The following ZBTB20 variants were observed in gnomAD, a reference collection of about 807,000 sequenced individuals.
ZBTB20 encodes the protein zinc finger and BTB domain containing 20, also known as zinc finger and BTB domain-containing protein 20.
In ZBTB20, 9 loss-of-function variants were observed where a neutral mutation model predicts 56.9. The observed-to-expected ratio is 0.16, with a 90% confidence interval of 0.10 to 0.28. ZBTB20 has a LOEUF of 0.28. ZBTB20 is among the 10% of genes least tolerant of loss of function. ZBTB20 has a pLI of 1.00. For synonymous variants in ZBTB20, 417 were observed against 420.7 expected (o/e 0.99, Z 0.11); for missense variants, 655 against 1,003.0 (o/e 0.65, Z 4.69).
intron 1 of ZBTB20, among the ~76,000 whole-genome samples, chr3:115,117,880 C>T (rs80164325): frequency 0.019 from 2,956 of 152,256 alleles, 104 homozygotes; most frequent in African/African-American, 0.068. Context: ...TTTCATCTTA[C>T]TCTTAATTAT....
At chr3:114,449,613 G>A (rs755021886) in intron 7 of ZBTB20, among the ~76,000 whole-genome samples, 48 of 151,098 alleles carry the variant, frequency 3.2e-4, no homozygotes, top group South Asian at 1.0e-3. Flanking sequence ...ATCTCCAGAG[G>A]CAAACTATGA....
chr3:114,567,389 G>A (rs931799842), intron 6 of ZBTB20, among the ~76,000 whole-genome samples: 4 of 152,138 alleles, frequency 2.6e-5, no homozygotes, highest in African/African-American at 9.7e-5. Context: ...ACTATAGCAT[G>A]TTAAAATCCA....
intron 4 of ZBTB20, among the ~76,000 whole-genome samples, chr3:114,870,855 A>T (rs554694399): frequency 6.6e-6 from 1 of 151,868 alleles, no homozygotes; most frequent in East Asian, 1.9e-4. Flanking sequence ...TCTATCCCTT[A>T]TGGGTACTTT....
chr3:115,144,646 T>C (rs2084912409), intron 1 of ZBTB20, among the ~76,000 whole-genome samples: 1 of 152,208 alleles, frequency 6.6e-6, no homozygotes, highest in Non-Finnish European at 1.5e-5. Flanking sequence ...TTTCTTTTAG[T>C]AGCTAGTCAA....
At chr3:115,115,777 CA>C (rs2084000584) in intron 1 of ZBTB20, among the ~76,000 whole-genome samples, 1 of 152,162 alleles carries the variant, frequency 6.6e-6, no homozygotes, top group Non-Finnish European at 1.5e-5. Flanking sequence ...TACTGAGTCT[CA>C]CGTGACATTA....
rs1259818223 is a variant in ZBTB20, at chr3:114,351,509, G to A, written c.569C>T (p.Thr190Met). The change falls in exon 11 of 12, where the codon ACG (threonine) becomes ATG (methionine). Residue 190 changes from threonine to methionine, a missense_variant. By Grantham distance (81) the Thr-to-Met change is moderately conservative. Transcript: ENST00000675478. Reference sequence around the variant, plus strand: ...GCCCACGTTCTGTGACACGATGCGCGTGCACTCGTCGATGACTGTTTTGAT... The same window carrying A: ...GCCCACGTTCTGTGACACGATGCGCATGCACTCGTCGATGACTGTTTTGAT... ...LQIKTVIDEC[T>M]RIVSQNVGDV... The A allele has an allele frequency of 6.2e-7, 1 of 1,613,964 alleles. No homozygotes were observed.
chr3:114,654,025 C>T (rs1490603923), intron 6 of ZBTB20, among the ~76,000 whole-genome samples: 1 of 151,736 alleles, frequency 6.6e-6, no homozygotes, highest in Non-Finnish European at 1.5e-5. Flanking sequence ...TCTGTTATAG[C>T]TTATAAATTC....
intron 1 of ZBTB20, among the ~76,000 whole-genome samples, chr3:115,078,613 G>A (rs865788409): frequency 5.8e-5 from 8 of 137,826 alleles, no homozygotes; most frequent in African/African-American, 2.0e-4. Flanking sequence ...GTGTGTGTGT[G>A]TATATATATA....
intron 11 of ZBTB20, among the ~76,000 whole-genome samples, chr3:114,342,114 T>A (rs10934268): frequency 0.051 from 7,773 of 152,220 alleles, 242 homozygotes; most frequent in South Asian, 0.08. Context: ...CTAAATGGGG[T>A]ATATTTTCAG....
chr3:114,669,516 T>A (rs1270148022), intron 6 of ZBTB20, among the ~76,000 whole-genome samples: 7 of 151,952 alleles, frequency 4.6e-5, no homozygotes, highest in Non-Finnish European at 1.0e-4. Context: ...CCAACCAGAC[T>A]AATATTCCCT....
chr3:114,849,473 T>C (rs2074887096), intron 4 of ZBTB20, among the ~76,000 whole-genome samples: 1 of 152,206 alleles, frequency 6.6e-6, no homozygotes, highest in African/African-American at 2.4e-5. Flanking sequence ...TTTCTACCAA[T>C]GAGAATAAAG....
In ZBTB20 at chr3:114,406,908, C is replaced by T. The variant is rs1278270382; in HGVS notation, c.-254-17803G>A. ...ACATGTTTTTCATAGAAAACTTTTA[C>T]ATATCTTTGTTTTCTTAAACACAGT... On this transcript the variant is annotated intron_variant, in intron 7 of 11. Coordinates refer to ENST00000675478, the MANE Select transcript of ZBTB20 (RefSeq NM_001348800.3). Among the ~76,000 whole-genome samples the T allele has an allele frequency of 2.6e-5, 4 of 152,120 alleles. No individual in the cohort carries two copies. The East Asian group carries it at 7.7e-4, about 29-fold the overall frequency.
chr3:115,018,856 T>C (rs929560889), intron 2 of ZBTB20, among the ~76,000 whole-genome samples: 1 of 151,380 alleles, frequency 6.6e-6, no homozygotes, highest in African/African-American at 2.4e-5. Flanking sequence ...TAATAGTTTA[T>C]GGGTGACTGC....
At chr3:114,913,615 T>C (rs1187315615) in intron 3 of ZBTB20, among the ~76,000 whole-genome samples, 3 of 152,066 alleles carry the variant, frequency 2.0e-5, no homozygotes, top group African/African-American at 4.8e-5. Flanking sequence ...ATTTTTGCTT[T>C]GGTTGCTTGT....
intron 1 of ZBTB20, among the ~76,000 whole-genome samples, chr3:115,095,699 C>A (rs1296706167): frequency 6.6e-6 from 1 of 152,116 alleles, no homozygotes; most frequent in Non-Finnish European, 1.5e-5. Flanking sequence ...ATAGCCTCAT[C>A]AGCTTGCCTA....
chr3:115,001,508 A>G (rs1483036548), intron 2 of ZBTB20, among the ~76,000 whole-genome samples: 2 of 150,852 alleles, frequency 1.3e-5, no homozygotes, highest in East Asian at 2.0e-4. Context: ...AGAGCAATTT[A>G]ATATACATAC....
chr3:114,871,747 A>C (rs1333295662), intron 4 of ZBTB20, among the ~76,000 whole-genome samples: 3 of 152,164 alleles, frequency 2.0e-5, no homozygotes, highest in Non-Finnish European at 4.4e-5. Flanking sequence ...TCTTGTATTA[A>C]TCAGTTGCTA....
At chr3:114,527,744 C>T (rs1311185692) in intron 6 of ZBTB20, among the ~76,000 whole-genome samples, 1 of 152,000 alleles carries the variant, frequency 6.6e-6, no homozygotes, top group Non-Finnish European at 1.5e-5. Context: ...ACCATATATT[C>T]ATGTTAATTG....
intron 5 of ZBTB20, among the ~76,000 whole-genome samples, chr3:114,796,925 G>A (rs1272859252): frequency 1.3e-5 from 2 of 151,862 alleles, no homozygotes; most frequent in South Asian, 2.1e-4. Flanking sequence ...TTGAAGTCAT[G>A]TAACTCTGAG....
Sources: gnomAD v4.1 joint callset for allele counts (sites outside exome capture counted in the v4.1 genomes callset) on GRCh38, gnomAD v4.1.1 for gene constraint, MANE v1.5 for transcripts, NCBI Gene and HGNC (gene_info 2026-07-23, HGNC 2026-07-21) for gene names.